ACYP2: variants seen among roughly 807,000 people sequenced by gnomAD.
The protein encoded by ACYP2 is acylphosphatase 2.
A neutral mutation model predicts 11.2 loss-of-function variants in ACYP2; 12 were observed. The observed-to-expected ratio is 1.08, with a 90% CI of 0.69 to 1.74. The LOEUF (loss-of-function observed/expected upper bound fraction) is 1.74, where lower values mean the gene tolerates loss of function less well. ACYP2 is among the 40% of genes most tolerant of loss of function. The probability of loss-of-function intolerance (pLI) is 0.00; values close to 1 mark genes in which losing one functional copy is unlikely to be tolerated. For missense variants in ACYP2, 134 were observed against 101.9 expected (o/e 1.31, Z -1.35); for synonymous variants, 43 against 32.2 (o/e 1.33, Z -1.13).
At chr2:54,165,634 C>A (rs1446323725) in intron 6 of ACYP2, among the ~76,000 whole-genome samples, 4 of 151,368 alleles carry the variant, frequency 2.6e-5, no homozygotes, top group Non-Finnish European at 4.4e-5. Context: ...GAAGGCAATA[C>A]TATATGATGC....
chr2:54,206,390 C>G (rs1259872877), intron 6 of ACYP2, among the ~76,000 whole-genome samples: 2 of 152,200 alleles, frequency 1.3e-5, no homozygotes, highest in African/African-American at 4.8e-5. Context: ...AATTATTCTC[C>G]TATCCACTTA....
intron 6 of ACYP2, among the ~76,000 whole-genome samples, chr2:54,157,344 A>C (rs895482968): frequency 2.0e-5 from 3 of 152,230 alleles, no homozygotes; most frequent in Non-Finnish European, 4.4e-5. Flanking sequence ...AACTTAAAAA[A>C]ATTTCACTGT....
intron 2 of ACYP2, among the ~76,000 whole-genome samples, chr2:53,979,276 C>A (rs1318991017): frequency 1.3e-5 from 2 of 151,514 alleles, no homozygotes; most frequent in African/African-American, 2.4e-5. Context: ...TCATTTTTAA[C>A]AAAAAATACT....
chr2:54,209,384 T>G (rs1685230482), intron 6 of ACYP2, among the ~76,000 whole-genome samples: 1 of 152,188 alleles, frequency 6.6e-6, no homozygotes, highest in African/African-American at 2.4e-5. Context: ...TGTTTCTTAT[T>G]CAGAGAGCCT....
chr2:54,232,704 T>C (rs771737163), intron 6 of ACYP2, among the ~76,000 whole-genome samples: 17 of 152,100 alleles, frequency 1.1e-4, no homozygotes, highest in Non-Finnish European at 8.8e-5. Context: ...CGTACAATCA[T>C]GGCAGAAGGC....
intron 6 of ACYP2, chr2:54,255,831 A>G (rs779112150): frequency 6.2e-7 from 1 of 1,613,928 alleles, no homozygotes; most frequent in East Asian, 2.2e-5. Flanking sequence ...GGCTGCCGTC[A>G]GTTGTCAGCG....
At chr2:54,107,513 G>C (rs888086701) in intron 4 of ACYP2, among the ~76,000 whole-genome samples, 2 of 152,150 alleles carry the variant, frequency 1.3e-5, no homozygotes, top group African/African-American at 4.8e-5. Flanking sequence ...TTCCTGTTGT[G>C]AAGATTTTGC....
At chr2:53,993,810 C>T (rs764464983) in intron 2 of ACYP2, among the ~76,000 whole-genome samples, 20 of 151,728 alleles carry the variant, frequency 1.3e-4, no homozygotes, top group Admixed American at 7.2e-4. Flanking sequence ...GTGGAAAAGA[C>T]GTGGAAGTTC....
chr2:54,015,167 G>A (rs1294256825), intron 2 of ACYP2, among the ~76,000 whole-genome samples: 1 of 151,994 alleles, frequency 6.6e-6, no homozygotes, highest in Non-Finnish European at 1.5e-5. Flanking sequence ...AGGTATTTGA[G>A]ATCAGCCTGG....
intron 6 of ACYP2, among the ~76,000 whole-genome samples, chr2:54,238,655 A>G (rs1052756150): frequency 1.3e-5 from 2 of 152,064 alleles, no homozygotes; most frequent in Non-Finnish European, 2.9e-5. Context: ...TAGTTTAGGC[A>G]TATGGTCCAC....
intron 6 of ACYP2, among the ~76,000 whole-genome samples, chr2:54,277,493 C>T (rs1250043975): frequency 1.3e-5 from 2 of 152,084 alleles, no homozygotes; most frequent in East Asian, 1.9e-4. Flanking sequence ...GCCTGACCAA[C>T]ATGGTGAAAC....
chr2:54,103,226 A>T (rs1301587818), intron 4 of ACYP2, among the ~76,000 whole-genome samples: 1 of 152,236 alleles, frequency 6.6e-6, no homozygotes, highest in Admixed American at 6.5e-5. Flanking sequence ...GTTTTCTATC[A>T]AAAGTTGGGG....
chr2:53,992,480 C>A (rs1382755665), intron 2 of ACYP2, among the ~76,000 whole-genome samples: 1 of 152,162 alleles, frequency 6.6e-6, no homozygotes, highest in African/African-American at 2.4e-5. Flanking sequence ...TGAGAGATGA[C>A]AATGGCTTGT....
Position 54,292,128 on chromosome 2 carries a change from C to T in ACYP2, c.405-12560C>T, listed in dbSNP as rs141606911. ...CTGAGCTCAAGCAATCCTCCTGCCT[C>T]GGACTCCCAAAGTGCTGGAATTACC... On this transcript the variant is annotated intron_variant, in intron 6 of 6. Coordinates refer to ENST00000607452, the MANE Select transcript of ACYP2 (RefSeq NM_001320586.2). Among the ~76,000 whole-genome samples, 433 of 152,230 alleles carry T rather than the reference C, an allele frequency of 2.8e-3. 3 individuals are homozygous for T. The highest frequency in any genetic ancestry group is 0.01 in the African/African-American group (421 of 41,526).
At chr2:54,124,384 C>T (rs569482839) in intron 4 of ACYP2, among the ~76,000 whole-genome samples, 7 of 151,984 alleles carry the variant, frequency 4.6e-5, no homozygotes, top group Non-Finnish European at 7.4e-5. Context: ...TTAGTAGAGA[C>T]GGGGTTTCTC....
In ACYP2 at chr2:54,043,072, G is replaced by GGTGT. The variant is rs58940352; in HGVS notation, c.63-7863_63-7860dup. On this transcript the variant is annotated intron_variant, in intron 2 of 6. Transcript: ENST00000607452. ...CTTGGTTAATATGGGGTGTGTGTGG[G>GGTGT]GTGTGTGTGTGTGTGTGTGTGTGTG... Among the ~76,000 whole-genome samples the GGTGT allele has an allele frequency of 3.2e-3, 470 of 148,980 alleles. 3 individuals carry two copies. Among genetic ancestry groups the GGTGT allele is most frequent in the Admixed American group, 0.019 (277 of 14,920 alleles).
rs556586231 is a variant in ACYP2 at position 53,996,200 on chromosome 2, A to G, written c.62+22390A>G. On this transcript the variant is annotated intron_variant, in intron 2 of 6. Transcript: ENST00000607452. ...TATTCTAGGCATAGTTGGTTCTAAG[A>G]GAATAAGATTCCTTGATAGATACAT... is the stretch of plus-strand genomic sequence containing the variant. Among the ~76,000 whole-genome samples, 3 of 152,202 alleles carry G rather than the reference A, an allele frequency of 2.0e-5. No individual in the cohort carries two copies. In the South Asian group the frequency reaches 6.2e-4, roughly 32 times the overall value.
chr2:54,108,680 T>C (rs1679300295), intron 4 of ACYP2, among the ~76,000 whole-genome samples: 1 of 152,184 alleles, frequency 6.6e-6, no homozygotes, highest in Non-Finnish European at 1.5e-5. Flanking sequence ...CTTGTTGTGA[T>C]AGCTCATAGT....
At chr2:54,201,499 C>G (rs888791976) in intron 6 of ACYP2, among the ~76,000 whole-genome samples, 1 of 151,926 alleles carries the variant, frequency 6.6e-6, no homozygotes, top group Non-Finnish European at 1.5e-5. Context: ...ATATTTTCTC[C>G]CATTCTGTAG....
Sources: gnomAD v4.1 joint callset for allele counts (sites outside exome capture counted in the v4.1 genomes callset) on GRCh38, gnomAD v4.1.1 for gene constraint, MANE v1.5 for transcripts, NCBI Gene and HGNC (gene_info 2026-07-23, HGNC 2026-07-21) for gene names.